Variants in PTPRD observed in about 807,000 individuals in gnomAD.
The protein encoded by PTPRD is protein tyrosine phosphatase receptor type D, also known as receptor-type tyrosine-protein phosphatase delta.
PTPRD carries 34 observed loss-of-function variants against 214.5 expected under a neutral mutation model. The observed-to-expected ratio is 0.16, with a 90% CI of 0.12 to 0.21. PTPRD has a LOEUF of 0.21. Ranked by LOEUF, PTPRD falls within the 10% of genes least tolerant of loss-of-function variation. PTPRD has a pLI of 1.00. For synonymous variants in PTPRD, 1,128 were observed against 845.7 expected, an observed-to-expected ratio of 1.33 and a Z score of -5.79; for missense variants, 2,545 against 2,398.7, an observed-to-expected ratio of 1.06 and a Z score of -1.27.
intron 2 of PTPRD, among the ~76,000 whole-genome samples, chr9:10,474,564 A>C (rs2099050964): frequency 6.6e-6 from 1 of 151,982 alleles, no homozygotes; most frequent in African/African-American, 2.4e-5. Flanking sequence ...CCCCACTGTC[A>C]ATATTAGATC....
rs2139178682 is a variant in PTPRD at position 8,524,910 on chromosome 9, T to A, written c.679+15A>T. On this transcript the variant is annotated intron_variant, in intron 18 of 45. Coordinates refer to ENST00000381196, the MANE Select transcript of PTPRD (RefSeq NM_002839.4). ...CCTGAATGAAGAAGCGATGCCAGGGTTATGTCATTCCTACCTCTGACATAT... is the reference window on the plus strand; with the variant it reads ...CCTGAATGAAGAAGCGATGCCAGGGATATGTCATTCCTACCTCTGACATAT... 6.2e-7 allele frequency: 1 copy of A among 1,604,524 alleles called. No individual in the cohort carries two copies.
intron 9 of PTPRD, among the ~76,000 whole-genome samples, chr9:9,366,646 C>T (rs1396119953): frequency 2.6e-5 from 4 of 151,350 alleles, no homozygotes; most frequent in Non-Finnish European, 1.5e-5. Context: ...AACATATCAT[C>T]CATCATCATA....
intron 10 of PTPRD, among the ~76,000 whole-genome samples, chr9:9,033,480 C>T (rs564786111): frequency 2.0e-5 from 3 of 151,962 alleles, no homozygotes; most frequent in South Asian, 2.1e-4. Flanking sequence ...AACATCCAAC[C>T]GCAGTACATA....
intron 5 of PTPRD, among the ~76,000 whole-genome samples, chr9:9,845,981 T>C (rs2059457067): frequency 6.6e-6 from 1 of 152,074 alleles, no homozygotes; most frequent in African/African-American, 2.4e-5. Flanking sequence ...TACCAACAAC[T>C]GGGAGGAACT....
At chr9:10,592,889 C>T (rs1041515783) in intron 2 of PTPRD, among the ~76,000 whole-genome samples, 2 of 151,946 alleles carry the variant, frequency 1.3e-5, no homozygotes, top group South Asian at 2.1e-4. Context: ...AAGCTGGCCA[C>T]GCTAGCCCAG....
chr9:8,645,082 T>C (rs893459880), intron 12 of PTPRD, among the ~76,000 whole-genome samples: 1 of 152,256 alleles, frequency 6.6e-6, no homozygotes, highest in Non-Finnish European at 1.5e-5. Flanking sequence ...ATTAAATATT[T>C]TGAAATATCT....
intron 3 of PTPRD, among the ~76,000 whole-genome samples, chr9:10,125,289 A>G (rs949475521): frequency 6.6e-6 from 1 of 151,924 alleles, no homozygotes; most frequent in Non-Finnish European, 1.5e-5. Context: ...ACTCCCTTCT[A>G]CTTACATGTT....
At chr9:8,859,540 G>C (rs2098051540) in intron 11 of PTPRD, among the ~76,000 whole-genome samples, 1 of 152,172 alleles carries the variant, frequency 6.6e-6, no homozygotes. Context: ...GTTCAGGCCA[G>C]CACATACACA....
chr9:8,973,773 G>A (rs1043244660), intron 11 of PTPRD, among the ~76,000 whole-genome samples: 3 of 152,000 alleles, frequency 2.0e-5, no homozygotes, highest in African/African-American at 7.2e-5. Context: ...GATGTGAAAT[G>A]GCATCTCATT....
At chr9:10,552,378 G>T (rs1334323058) in intron 2 of PTPRD, among the ~76,000 whole-genome samples, 1 of 152,038 alleles carries the variant, frequency 6.6e-6, no homozygotes, top group Non-Finnish European at 1.5e-5. Context: ...TCTTAATTTT[G>T]CAATCACAGA....
intron 11 of PTPRD, among the ~76,000 whole-genome samples, chr9:8,886,037 T>C (rs1232181433): frequency 6.6e-6 from 1 of 152,172 alleles, no homozygotes; most frequent in Non-Finnish European, 1.5e-5. Flanking sequence ...TGGTTTTTAG[T>C]AATTTGGTTA....
intron 11 of PTPRD, among the ~76,000 whole-genome samples, chr9:8,805,406 G>C (rs1175145222): frequency 6.6e-6 from 1 of 151,612 alleles, no homozygotes; most frequent in Non-Finnish European, 1.5e-5. Flanking sequence ...CCCATTATCA[G>C]AAATGAAAAT....
Position 8,331,567 on chromosome 9 carries a change from CAAA to C in PTPRD, c.5534+12_5534+14del. 2 of 870,822 alleles carry C rather than the reference CAAA, an allele frequency of 2.3e-6. No homozygotes were observed. The highest frequency in any genetic ancestry group is 2.9e-6 in the Non-Finnish European group (2 of 679,710). The allele number at this position is 870,822 out of a possible 1,614,324, so 53.9% of individuals were successfully genotyped here. On this transcript the variant is annotated intron_variant, in intron 44 of 45. Coordinates refer to ENST00000381196, the MANE Select transcript of PTPRD (RefSeq NM_002839.4). ...CCACCACTTATCACTGCTTTATTCA[CAAA>C]TGGAAACTTACCTGCAATGGACTGA...
At chr9:9,903,687 A>G (rs2076919768) in intron 5 of PTPRD, among the ~76,000 whole-genome samples, 1 of 152,096 alleles carries the variant, frequency 6.6e-6, no homozygotes, top group Non-Finnish European at 1.5e-5. Context: ...TCCACAGTTT[A>G]AAACCATTCC....
At chr9:8,473,973 T>C (rs537572117) in intron 30 of PTPRD, among the ~76,000 whole-genome samples, 4 of 152,300 alleles carry the variant, frequency 2.6e-5, no homozygotes, top group Admixed American at 6.5e-5. Context: ...TCAACTGTGC[T>C]CTCTGCAACT....
intron 14 of PTPRD, among the ~76,000 whole-genome samples, chr9:8,575,415 T>C (rs948833543): frequency 3.3e-5 from 5 of 152,154 alleles, no homozygotes; most frequent in African/African-American, 1.2e-4. Context: ...TAAATAGCCC[T>C]GTACGGAGTG....
At chr9:9,019,800 G>A (rs2099556223) in intron 10 of PTPRD, among the ~76,000 whole-genome samples, 1 of 152,072 alleles carries the variant, frequency 6.6e-6, no homozygotes, top group African/African-American at 2.4e-5. Flanking sequence ...TAGTGTTTCG[G>A]GAGTTTTATA....
At chr9:10,415,608 G>T (rs2098479921) in intron 2 of PTPRD, among the ~76,000 whole-genome samples, 1 of 151,874 alleles carries the variant, frequency 6.6e-6, no homozygotes, top group African/African-American at 2.4e-5. Context: ...TAGGCAATTA[G>T]AAAGCCATTG....
chr9:8,616,035 A>C (rs2095600652), intron 14 of PTPRD, among the ~76,000 whole-genome samples: 1 of 152,262 alleles, frequency 6.6e-6, no homozygotes, highest in Non-Finnish European at 1.5e-5. Context: ...TTTAAAAAGA[A>C]ATTTATGAAT....
Sources: gnomAD v4.1 joint callset for allele counts (sites outside exome capture counted in the v4.1 genomes callset) on GRCh38, gnomAD v4.1.1 for gene constraint, MANE v1.5 for transcripts, NCBI Gene and HGNC (gene_info 2026-07-23, HGNC 2026-07-21) for gene names.